Variants in DNAH7 observed in about 807,000 individuals in gnomAD.
DNAH7 encodes the protein dynein axonemal heavy chain 7.
In DNAH7, 397 loss-of-function variants were observed where a neutral mutation model predicts 444.6. The observed-to-expected ratio is 0.89, with a 90% CI of 0.82 to 0.97. The LOEUF (loss-of-function observed/expected upper bound fraction) is 0.97. Ranked by LOEUF, DNAH7 falls within the 50% of genes least tolerant of loss-of-function variation. The pLI is 0.00. For missense variants in DNAH7, 4,902 were observed against 4,800.8 expected (o/e 1.02, Z -0.62); for synonymous variants, 1,636 against 1,624.4 (o/e 1.01, Z -0.17).
At chr2:195,875,427 G>T (rs1479529825) in intron 38 of DNAH7, among the ~76,000 whole-genome samples, 1 of 151,932 alleles carries the variant, frequency 6.6e-6, no homozygotes, top group Non-Finnish European at 1.5e-5. Context: ...TTCAGAAGGT[G>T]GGAGAAAAAA....
chr2:195,839,447 T>G (rs990943470), intron 47 of DNAH7, among the ~76,000 whole-genome samples: 8 of 151,580 alleles, frequency 5.3e-5, no homozygotes, highest in Non-Finnish European at 1.2e-4. Flanking sequence ...ACCTTCCACC[T>G]TAGGAAACCA....
intron 19 of DNAH7, among the ~76,000 whole-genome samples, chr2:195,955,457 A>G (rs191842577): frequency 3.9e-5 from 6 of 152,246 alleles, no homozygotes; most frequent in African/African-American, 9.6e-5. Flanking sequence ...GTCAGGTAGC[A>G]TGATGCCTCC....
chr2:196,031,847 C>T (rs937165913), intron 5 of DNAH7, among the ~76,000 whole-genome samples: 1 of 152,206 alleles, frequency 6.6e-6, no homozygotes, highest in African/African-American at 2.4e-5. Context: ...AAGTTCCCAA[C>T]TTTCCCACAT....
rs748491304 is a variant in DNAH7, at chr2:196,026,799, T to C, written c.628A>G (p.Met210Val). The C allele has an allele frequency of 1.9e-6, 3 of 1,612,406 alleles. No homozygotes were observed. The highest frequency in any genetic ancestry group is 1.1e-5 in the South Asian group (1 of 90,982). The change falls in exon 7 of 65, where the codon ATG becomes GTG. Residue 210 changes from methionine (M) to valine (V), a missense_variant. Transcript: ENST00000312428. ...TDSIVTLSDE[M>V]REDYLLSVRK... is the part of the protein sequence containing the mutation. ...ACACTAAGAAGATAATCCTCTCTCA[T>C]TTCATCAGATAATGTAACTATGCTG...
intron 36 of DNAH7, among the ~76,000 whole-genome samples, chr2:195,878,078 C>T (rs1701161027): frequency 6.6e-6 from 1 of 152,130 alleles, no homozygotes; most frequent in Non-Finnish European, 1.5e-5. Flanking sequence ...AGAAACAACT[C>T]CCTATTCTGA....
At chr2:195,906,859 CAT>C (rs1687057793) in intron 26 of DNAH7, 46 bp downstream of exon 26, 1 of 1,608,360 alleles carries the variant, frequency 6.2e-7, no homozygotes, top group African/African-American at 1.3e-5. Flanking sequence ...CACTACCTCT[CAT>C]ATTTCTTTTA....
chr2:196,044,479 C>A (rs1404031887), intron 5 of DNAH7, among the ~76,000 whole-genome samples: 2 of 151,992 alleles, frequency 1.3e-5, no homozygotes, highest in Non-Finnish European at 2.9e-5. Flanking sequence ...AAAGACTACA[C>A]ATTGGGTACA....
intron 5 of DNAH7, among the ~76,000 whole-genome samples, chr2:196,040,525 C>G (rs140073716): frequency 3.5e-4 from 53 of 152,164 alleles, no homozygotes; most frequent in African/African-American, 8.9e-4. Flanking sequence ...ATTCAACATG[C>G]CTTTGTGAAA....
At chr2:195,813,419 C>T (rs914242348) in intron 51 of DNAH7, among the ~76,000 whole-genome samples, 2 of 152,118 alleles carry the variant, frequency 1.3e-5, no homozygotes, top group Non-Finnish European at 2.9e-5. Flanking sequence ...TTCTCAAAGA[C>T]CCAGAAGCCA....
chr2:195,943,258 G>A (rs1034764459), intron 19 of DNAH7, among the ~76,000 whole-genome samples: 2 of 152,118 alleles, frequency 1.3e-5, no homozygotes, highest in Non-Finnish European at 2.9e-5. Flanking sequence ...CACAGATAGA[G>A]CAAATTAATC....
chr2:196,019,344 A>G lies in DNAH7; in HGVS notation c.744-49T>C. On this transcript the variant is annotated intron_variant, in intron 8 of 64. Transcript: ENST00000312428. ...TTACAGTCTCAAAAAAAGTATTTTT[A>G]TAGTAACTGTACATTTTGGGTAATA... 3 of 1,390,364 alleles carry G rather than the reference A, an allele frequency of 2.2e-6. No homozygotes were observed. In the South Asian group the frequency reaches 5.5e-5, roughly 26 times the overall value. 86.1% of individuals were successfully genotyped at this position (1,390,364 alleles called of 1,614,324 possible).
chr2:195,797,425 A>G (rs948327094), intron 55 of DNAH7, among the ~76,000 whole-genome samples: 9 of 152,230 alleles, frequency 5.9e-5, no homozygotes, highest in Non-Finnish European at 8.8e-5. Context: ...AAAACAAAGT[A>G]GAGCTGGATC....
chr2:195,782,245 G>A (rs1479664399), intron 58 of DNAH7, among the ~76,000 whole-genome samples: 10 of 152,136 alleles, frequency 6.6e-5, no homozygotes, highest in Non-Finnish European at 1.5e-4. Flanking sequence ...TCAAGAAGGA[G>A]TGCATTAGAC....
At chr2:195,817,179 T>C (rs1697264651) in intron 50 of DNAH7, among the ~76,000 whole-genome samples, 1 of 152,176 alleles carries the variant, frequency 6.6e-6, no homozygotes. Flanking sequence ...TAATGATCAT[T>C]TATGGGCTAA....
intron 61 of DNAH7, among the ~76,000 whole-genome samples, chr2:195,768,036 CTG>C (rs1220593028): frequency 6.6e-6 from 1 of 151,456 alleles, no homozygotes; most frequent in African/African-American, 2.4e-5. Context: ...AATTTGATAA[CTG>C]TATTGTGATA....
chr2:195,900,832 T>C (rs969737437), intron 27 of DNAH7: 11 of 193,522 alleles, frequency 5.7e-5, no homozygotes, highest in Non-Finnish European at 1.2e-4. Flanking sequence ...AAATGATAAA[T>C]ATTTGAGGTG....
intron 47 of DNAH7, among the ~76,000 whole-genome samples, chr2:195,835,321 C>G (rs1049753422): frequency 1.5e-5 from 2 of 133,132 alleles, no homozygotes; most frequent in African/African-American, 5.7e-5. Context: ...CAAAAGTGAG[C>G]AGAGCCAATT....
At chr2:196,017,914 G>A (rs907124714) in intron 9 of DNAH7, among the ~76,000 whole-genome samples, 2 of 152,076 alleles carry the variant, frequency 1.3e-5, no homozygotes, top group Non-Finnish European at 2.9e-5. Flanking sequence ...AAGACTAGGA[G>A]AATTCAGAAG....
At chr2:195,793,363 G>A (rs1029392366) in intron 57 of DNAH7, among the ~76,000 whole-genome samples, 1 of 152,212 alleles carries the variant, frequency 6.6e-6, no homozygotes, top group Non-Finnish European at 1.5e-5. Context: ...TTCGGGCTGT[G>A]TTTCATAAAT....
Sources: allele counts gnomAD v4.1 joint callset (sites outside exome capture counted in the v4.1 genomes callset), GRCh38; gene constraint gnomAD v4.1.1; transcripts MANE v1.5; gene names NCBI Gene and HGNC (gene_info 2026-07-23, HGNC 2026-07-21).